The following MMD2 variants were observed in gnomAD, a reference collection of about 807,000 sequenced individuals.
The protein encoded by MMD2 is monocyte to macrophage differentiation factor 2.
Under a neutral mutation model 33.5 loss-of-function variants are expected in MMD2, and 30 were observed. The ratio of observed to expected loss-of-function variants is 0.90; its 90% confidence interval spans 0.67 to 1.22. MMD2 has a LOEUF of 1.22. Ranked by LOEUF, MMD2 falls within the 50% of genes most tolerant of loss-of-function variation. The pLI, the probability that MMD2 is intolerant of heterozygous loss-of-function variation, is 0.00. For synonymous variants in MMD2, 129 were observed against 123.0 expected (o/e 1.05, Z -0.32); for missense variants, 364 against 325.4 (o/e 1.12, Z -0.91).
downstream of MMD2, among the ~76,000 whole-genome samples, chr7:4,901,803 C>A (rs898699495): frequency 6.6e-6 from 1 of 152,232 alleles, no homozygotes; most frequent in Non-Finnish European, 1.5e-5. Context: ...GGAGCCTGCA[C>A]CTGGCTTGTA....
intron 1 of MMD2, among the ~76,000 whole-genome samples, chr7:4,937,344 C>A (rs951967555): frequency 6.6e-6 from 1 of 150,864 alleles, no homozygotes; most frequent in South Asian, 2.1e-4. Flanking sequence ...TTGCAGTGAG[C>A]CGGGATTGCA....
At chr7:4,956,412 T>A (rs1447673527) in intron 1 of MMD2, among the ~76,000 whole-genome samples, 1 of 150,116 alleles carries the variant, frequency 6.7e-6, no homozygotes, top group Non-Finnish European at 1.5e-5. Context: ...GGTGATAGAG[T>A]AGATCCTATC....
At chr7:4,900,983 T>C in the MMD2 span, among the ~76,000 whole-genome samples, 7 of 150,772 alleles carry the variant, frequency 4.6e-5, no homozygotes, top group Non-Finnish European at 1.0e-4. Flanking sequence ...CTACTAAAAA[T>C]ATAAAAATTA....
intron 5 of MMD2, among the ~76,000 whole-genome samples, chr7:4,910,585 C>A (rs1316695560): frequency 1.3e-5 from 2 of 151,958 alleles, no homozygotes; most frequent in Admixed American, 1.3e-4. Flanking sequence ...ACCCCCGCCT[C>A]CCCCCCTAAC....
chr7:4,959,106 G>A lies in MMD2; in HGVS notation c.-89C>T, dbSNP rs1036348382. 9.0e-6 allele frequency: 10 copies of A among 1,110,098 alleles called. No homozygotes were observed. Among genetic ancestry groups the A allele is most frequent in the Non-Finnish European group, 6.9e-6 (6 of 870,906 alleles). The allele number at this position is 1,110,098 out of a possible 1,614,324, so 68.8% of individuals were successfully genotyped here. A position where few individuals can be genotyped will look rare whatever the true frequency, so the allele number is the denominator to read the frequency against. Reference sequence around the variant, plus strand: ...GGCGCGGCGGCGGCAGCAGCAGGTTGGAGGGCGCGCGGCGGGGGCCAAGGG... The same window carrying A: ...GGCGCGGCGGCGGCAGCAGCAGGTTAGAGGGCGCGCGGCGGGGGCCAAGGG... On this transcript the variant is annotated 5_prime_UTR_variant, in exon 1 of 7. Transcript: ENST00000401401.
chr7:4,941,955 T>A (rs1785923387), intron 1 of MMD2, among the ~76,000 whole-genome samples: 1 of 151,762 alleles, frequency 6.6e-6, no homozygotes, highest in Non-Finnish European at 1.5e-5. Flanking sequence ...AGGTCATTTA[T>A]TTATTTATAT....
At position 4,906,654 on chromosome 7, in the gene MMD2, A is replaced by G. The variant is rs1784873071; in HGVS notation, c.*742T>C. ...TGGGTGTGCGCCTCAGTTTCCCTCT[A>G]CCGCCCCCAAACTGCCTACTCCAGG... is the stretch of plus-strand genomic sequence containing the variant. On this transcript the variant is annotated 3_prime_UTR_variant, in exon 7 of 7. Transcript: ENST00000401401. 1 of 398,018 alleles carries G rather than the reference A, an allele frequency of 2.5e-6. No individual in the cohort carries two copies. The allele number at this position is 398,018 out of a possible 1,614,324, so 24.7% of individuals were successfully genotyped here. A position where few individuals can be genotyped will look rare whatever the true frequency, so the allele number is the denominator to read the frequency against.
In MMD2 at chr7:4,906,984, A is replaced by G; in HGVS notation, c.*412T>C. The G allele has an allele frequency of 4.4e-6, 1 of 226,642 alleles. No homozygotes were observed. The highest frequency in any genetic ancestry group is 8.7e-6 in the Non-Finnish European group (1 of 115,288). The allele number at this position is 226,642 out of a possible 1,614,324, so 14.0% of individuals were successfully genotyped here. ...AACCAGAGACAATTCGCCAGCCTGG[A>G]CTTTGGTAACAGAGAGGGAGGCCCT... On this transcript the variant is annotated 3_prime_UTR_variant, in exon 7 of 7. Transcript: ENST00000401401.
downstream of MMD2, among the ~76,000 whole-genome samples, chr7:4,902,866 C>A (rs1004568846): frequency 1.3e-5 from 2 of 152,208 alleles, no homozygotes; most frequent in African/African-American, 2.4e-5. Flanking sequence ...GCTGCTCCCA[C>A]CTCCCACTTC....
intron 6 of MMD2, chr7:4,909,680 C>G (rs749229244): frequency 1.4e-5 from 11 of 760,556 alleles, no homozygotes; most frequent in Admixed American, 6.0e-5. Context: ...AAACTATCCT[C>G]CCACCTCAGC....
At chr7:4,925,398 C>A in intron 2 of MMD2, 53 bp downstream of exon 2, 1 of 1,405,838 alleles carries the variant, frequency 7.1e-7, no homozygotes, top group Non-Finnish European at 9.6e-7. Flanking sequence ...CCCCACCCCC[C>A]TTCCCCGGAA....
chr7:4,930,271 CAAAA>C (rs770469673), intron 1 of MMD2, among the ~76,000 whole-genome samples: 2 of 47,176 alleles, frequency 4.2e-5, no homozygotes, highest in East Asian at 6.0e-4. Flanking sequence ...GACTCCATCT[CAAAA>C]AAAAAAAAAA....
rs539781577 is a variant in MMD2 at position 4,911,044 on chromosome 7, G to T, written c.467+101C>A. 3.0e-6 allele frequency: 3 copies of T among 1,003,316 alleles called. No individual in the cohort carries two copies. The African/African-American group carries it at 4.8e-5, about 16-fold the overall frequency. The allele number at this position is 1,003,316 out of a possible 1,614,324, so 62.2% of individuals were successfully genotyped here. On this transcript the variant is annotated intron_variant, in intron 5 of 6. Coordinates refer to ENST00000401401, the MANE Select transcript of MMD2 (RefSeq NM_198403.4). ...GTGACAGCCAGAGCTGTGCTCTCAC[G>T]ATTATGAGATCATCCTGGACTCTCG...
chr7:4,910,379 G>A (rs930594934), intron 5 of MMD2, among the ~76,000 whole-genome samples: 1 of 152,164 alleles, frequency 6.6e-6, no homozygotes, highest in African/African-American at 2.4e-5. Context: ...TGGACTAAAT[G>A]ACTTCCAGAG....
chr7:4,948,184 T>C (rs1381506287), intron 1 of MMD2, among the ~76,000 whole-genome samples: 2 of 151,966 alleles, frequency 1.3e-5, no homozygotes, highest in East Asian at 3.9e-4. Context: ...CCAAACCATA[T>C]CAAACTCTAT....
intron 1 of MMD2, among the ~76,000 whole-genome samples, chr7:4,953,022 T>A (rs1029659969): frequency 2.0e-5 from 3 of 151,970 alleles, no homozygotes; most frequent in Non-Finnish European, 4.4e-5. Context: ...GTTGGTTTTT[T>A]AGAGACATGG....
intron 1 of MMD2, among the ~76,000 whole-genome samples, chr7:4,958,007 C>T (rs1307466897): frequency 4.6e-5 from 7 of 152,210 alleles, no homozygotes; most frequent in Non-Finnish European, 1.0e-4. Flanking sequence ...AGGAAGAATA[C>T]TGCCAGCCCA....
intron 1 of MMD2, among the ~76,000 whole-genome samples, chr7:4,926,102 G>GGCTTTTTT (rs1785419974): frequency 6.6e-6 from 1 of 151,642 alleles, no homozygotes. Flanking sequence ...TACCACGCCG[G>GGCTTTTTT]GCTTTTTTTT....
chr7:4,926,797 T>C (rs1386688519), intron 1 of MMD2, among the ~76,000 whole-genome samples: 1 of 151,968 alleles, frequency 6.6e-6, no homozygotes, highest in Admixed American at 6.6e-5. Context: ...CAGGCTGGAG[T>C]GCAGTGGTGC....
Sources: allele counts gnomAD v4.1 joint callset (sites outside exome capture counted in the v4.1 genomes callset), GRCh38; gene constraint gnomAD v4.1.1; transcripts MANE v1.5; gene names NCBI Gene and HGNC (gene_info 2026-07-23, HGNC 2026-07-21).